USP8: variants seen among roughly 807,000 people sequenced by gnomAD.
USP8 encodes the protein ubiquitin carboxyl-terminal hydrolase 8.
A neutral mutation model predicts 130.0 loss-of-function variants in USP8; 27 were observed. The observed-to-expected ratio is 0.21, with a 90% CI of 0.15 to 0.29. The LOEUF is 0.29. Ranked by LOEUF, USP8 falls within the 10% of genes least tolerant of loss-of-function variation. The probability of loss-of-function intolerance (pLI) is 1.00; values close to 1 mark genes in which losing one functional copy is unlikely to be tolerated. For missense variants in USP8, 1,029 were observed against 1,312.2 expected, an observed-to-expected ratio of 0.78 and a Z score of 3.33; for synonymous variants, 392 against 444.1, an observed-to-expected ratio of 0.88 and a Z score of 1.48.
intron 18 of USP8, chr15:50,497,590 A>G (rs1422710302): frequency 6.3e-6 from 1 of 157,632 alleles, no homozygotes; most frequent in African/African-American, 2.4e-5. Context: ...TGTGTTAAAT[A>G]AAATTTATAA....
chr15:50,453,859 TC>T (rs1333567198), intron 4 of USP8, among the ~76,000 whole-genome samples: 99 of 123,926 alleles, frequency 8.0e-4, no homozygotes, highest in African/African-American at 2.8e-3. Flanking sequence ...CTGGGAATAT[TC>T]TTTTTTTTTT....
chr15:50,495,981 A>G lies in USP8; in HGVS notation c.2792A>G (p.Lys931Arg), dbSNP rs750533909. Reference sequence around the variant, plus strand: ...GTTGCACTTTTTCAGGGTCAATTCAAATCTACAGTACAGTGCCTCACATGT... The same window carrying G: ...GTTGCACTTTTTCAGGGTCAATTCAGATCTACAGTACAGTGCCTCACATGT... ...IIVALFQGQF[K>R]STVQCLTCHK... Residue 931 changes from lysine (K) to arginine (R), a missense_variant, in exon 17 of 20, where the codon AAA (lysine) becomes AGA (arginine). By Grantham distance (26) the Lys-to-Arg change is conservative. This residue lies in a region of USP8 where 257 missense variants were observed against 429.8 expected (regional missense o/e 0.60). Coordinates refer to ENST00000307179, the MANE Select transcript of USP8 (RefSeq NM_005154.5). The G allele has an allele frequency of 2.5e-6, 4 of 1,613,976 alleles. No homozygotes were observed. The highest frequency in any genetic ancestry group is 1.1e-5 in the South Asian group (1 of 91,070).
rs942514495 is a variant in USP8 at position 50,503,481 on chromosome 15, G to C, written c.*4393G>C. The C allele has an allele frequency of 6.6e-6, 1 of 152,198 alleles. No homozygotes were observed. Among genetic ancestry groups the C allele is most frequent in the African/African-American group, 2.4e-5 (1 of 41,426 alleles). 9.4% of individuals were successfully genotyped at this position (152,198 alleles called of 1,614,324 possible). On this transcript the variant is annotated 3_prime_UTR_variant, in exon 20 of 20. Coordinates refer to ENST00000307179, the MANE Select transcript of USP8 (RefSeq NM_005154.5). ...GGTAAAGTCTTAGGCCCCCCTACAA[G>C]GTGAGAAGTTGGATTGAGATCCACA...
intron 1 of USP8, among the ~76,000 whole-genome samples, chr15:50,431,060 T>C (rs1028967445): frequency 1.3e-5 from 2 of 152,110 alleles, no homozygotes; most frequent in South Asian, 2.1e-4. Flanking sequence ...GATGGCAAGG[T>C]TGAGAAACGC....
intron 1 of USP8, among the ~76,000 whole-genome samples, chr15:50,429,719 C>A (rs2049869513): frequency 6.6e-6 from 1 of 152,020 alleles, no homozygotes; most frequent in African/African-American, 2.4e-5. Context: ...ATGTCTCATC[C>A]ATAGAGATTC....
chr15:50,449,272 T>A (rs527369177), intron 3 of USP8, 128 bp from the exon 4 acceptor site: 26 of 485,306 alleles, frequency 5.4e-5, no homozygotes, highest in South Asian at 1.9e-4. Context: ...TAAAAGTTTT[T>A]AAAAATCTTC....
At position 50,490,456 on chromosome 15, in the gene USP8, T is replaced by A; in HGVS notation, c.2165T>A (p.Ile722Lys). 6.2e-7 allele frequency: 1 copy of A among 1,614,154 alleles called. No homozygotes were observed. Among genetic ancestry groups the A allele is most frequent in the Non-Finnish European group, 8.5e-7 (1 of 1,180,020 alleles). ...KLKRSYSSPDITQAIQEEEKR... is the reference protein window; with the variant it reads ...KLKRSYSSPDKTQAIQEEEKR... The stretch of plus-strand genomic sequence containing the variant: ...AAGCGCTCCTACTCCTCCCCAGATA[T>A]AACCCAGGCTATTCAAGAGGAAGAG... The change falls in exon 14 of 20, where the codon ATA (isoleucine) becomes AAA (lysine). Residue 722 changes from isoleucine to lysine, a missense_variant. Physicochemically the swap from Ile to Lys is moderately radical, Grantham distance 102. Transcript: ENST00000307179.
intron 18 of USP8, 113 bp from the exon 19 acceptor site, chr15:50,498,483 C>G: frequency 7.3e-7 from 1 of 1,361,268 alleles, no homozygotes; most frequent in Non-Finnish European, 9.8e-7. Context: ...AATTCCAAGT[C>G]TTTGTATTTG....
chr15:50,457,206 A>G (rs115718483), intron 4 of USP8, among the ~76,000 whole-genome samples: 29 of 152,298 alleles, frequency 1.9e-4, no homozygotes, highest in African/African-American at 6.7e-4. Flanking sequence ...CACCATTTCT[A>G]TTGTATAGTT....
At chr15:50,489,721 T>G in intron 12 of USP8, 80 bp from the exon 13 acceptor site, 1 of 1,063,764 alleles carries the variant, frequency 9.4e-7, no homozygotes, top group Non-Finnish European at 1.3e-6. Flanking sequence ...GTAGCTTAAG[T>G]TTTTATATGA....
chr15:50,458,896 A>G (rs904914379), intron 4 of USP8, 104 bp from the exon 5 acceptor site: 10 of 1,384,322 alleles, frequency 7.2e-6, no homozygotes, highest in East Asian at 2.3e-5. Flanking sequence ...GCATATAGCC[A>G]TGAAATACCT....
At chr15:50,487,411 ACATCCTTCTGTT>A (rs1320017274) in intron 12 of USP8, among the ~76,000 whole-genome samples, 2 of 152,162 alleles carry the variant, frequency 1.3e-5, no homozygotes, top group African/African-American at 4.8e-5. Context: ...TCTTCTTCTG[ACATCCTTCTGTT>A]CCTTTTAAAG....
chr15:50,469,700 C>G (rs1462800596), intron 7 of USP8, among the ~76,000 whole-genome samples: 1 of 152,080 alleles, frequency 6.6e-6, no homozygotes, highest in African/African-American at 2.4e-5. Context: ...ACCAGTCCGG[C>G]CCAGCTTGCC....
rs138382923 is a variant in USP8, at chr15:50,440,217, A to G, written c.104+1040A>G. ...TTGAATGATTTTCAGATGGGAAACAATGGGAAAGATAAAGCCACCTTTAGA... is the reference window on the plus strand; with the variant it reads ...TTGAATGATTTTCAGATGGGAAACAGTGGGAAAGATAAAGCCACCTTTAGA... On this transcript the variant is annotated intron_variant, in intron 2 of 19. Transcript: ENST00000307179. 1.2e-4 allele frequency among the ~76,000 whole-genome samples: 19 copies of G among 152,356 alleles called. No homozygotes were observed. In the East Asian group the frequency reaches 1.5e-3, roughly 12 times the overall value.
At chr15:50,444,097 GTTTTT>G (rs751970462) in intron 3 of USP8, among the ~76,000 whole-genome samples, 1 of 117,484 alleles carries the variant, frequency 8.5e-6, no homozygotes, top group Admixed American at 9.5e-5. Context: ...TGTGTGGTAG[GTTTTT>G]TTTTTTTTTT....
chr15:50,488,672 C>A (rs1490847365), intron 12 of USP8, among the ~76,000 whole-genome samples: 1 of 145,428 alleles, frequency 6.9e-6, no homozygotes, highest in Admixed American at 7.1e-5. Context: ...TCAAGCAATT[C>A]TCCTGCCACA....
intron 4 of USP8, among the ~76,000 whole-genome samples, chr15:50,452,389 A>T (rs1434232415): frequency 6.6e-6 from 1 of 152,214 alleles, no homozygotes; most frequent in Non-Finnish European, 1.5e-5. Flanking sequence ...TACCAACTGA[A>T]ATTGGAAAGT....
At chr15:50,498,782 G>C in intron 19 of USP8, 54 bp downstream of exon 19, 1 of 1,561,516 alleles carries the variant, frequency 6.4e-7, no homozygotes, top group Non-Finnish European at 8.7e-7. Flanking sequence ...TTTAAAAAAA[G>C]TTTTAAGTGG....
At chr15:50,464,911 G>T in intron 6 of USP8, 136 bp from the exon 7 acceptor site, 1 of 845,060 alleles carries the variant, frequency 1.2e-6, no homozygotes, top group South Asian at 1.9e-5. Flanking sequence ...TGGTATGATG[G>T]AGTAGTAAAT....
Sources: allele counts gnomAD v4.1 joint callset (sites outside exome capture counted in the v4.1 genomes callset), GRCh38; gene constraint gnomAD v4.1.1; regional missense constraint gnomAD v4.1.1; transcripts MANE v1.5; gene names NCBI Gene and HGNC (gene_info 2026-07-23, HGNC 2026-07-21).